Variants in MEMO1 observed in about 807,000 individuals in gnomAD.
MEMO1 encodes the protein mediator of cell motility 1, also known as protein MEMO1.
A neutral mutation model predicts 45.2 loss-of-function variants in MEMO1; 6 were observed. That is an observed-to-expected ratio of 0.13 (90% CI 0.07 to 0.26). MEMO1 has a LOEUF of 0.26. Ranked by LOEUF, MEMO1 falls within the 10% of genes least tolerant of loss-of-function variation. The pLI is 1.00. For synonymous variants in MEMO1, 78 were observed against 124.3 expected (o/e 0.63, Z 2.48); for missense variants, 184 against 370.5 (o/e 0.50, Z 4.13).
intron 7 of MEMO1, among the ~76,000 whole-genome samples, chr2:31,888,739 T>A (rs1156761638): frequency 6.6e-6 from 1 of 152,072 alleles, no homozygotes; most frequent in Non-Finnish European, 1.5e-5. Flanking sequence ...CTGGCATTTC[T>A]ATATGTACAA....
At chr2:31,976,287 T>C (rs554197827) in intron 2 of MEMO1, among the ~76,000 whole-genome samples, 1 of 152,242 alleles carries the variant, frequency 6.6e-6, no homozygotes, top group South Asian at 2.1e-4. Context: ...CTATAAAGAA[T>C]ATATTTTCAG....
rs189378124 is a variant in MEMO1 at position 31,940,190 on chromosome 2, T to C, written c.143+3112A>G. Among the ~76,000 whole-genome samples, 166 of 152,342 alleles carry C rather than the reference T, an allele frequency of 1.1e-3. 1 individual carries two copies. The highest frequency in any genetic ancestry group is 3.9e-3 in the African/African-American group (164 of 41,582). ...TAAAAAGGTGGCTTATCCAAGGGGC[T>C]AGTCCTTGAAACTCTTCTCCTGTTT... is the stretch of plus-strand genomic sequence containing the variant. On this transcript the variant is annotated intron_variant, in intron 3 of 9. Coordinates refer to ENST00000404530, the MANE Select transcript of MEMO1 (RefSeq NM_001301833.4).
chr2:31,905,903 T>TTTA (rs941500482), intron 6 of MEMO1, among the ~76,000 whole-genome samples: 3 of 152,162 alleles, frequency 2.0e-5, no homozygotes, highest in Non-Finnish European at 1.5e-5. Context: ...TATTTCTATT[T>TTTA]ATTTCTTCCA....
intron 2 of MEMO1, among the ~76,000 whole-genome samples, chr2:31,949,680 G>A (rs935210375): frequency 6.7e-6 from 1 of 149,024 alleles, no homozygotes; most frequent in African/African-American, 2.5e-5. Context: ...GAAGGAACAG[G>A]ACCTACTGTT....
At chr2:31,971,442 C>A (rs1366903893) in intron 2 of MEMO1, among the ~76,000 whole-genome samples, 1 of 151,948 alleles carries the variant, frequency 6.6e-6, no homozygotes, top group Admixed American at 6.6e-5. Flanking sequence ...GTAGCCCAGG[C>A]TGGTCTTGCA....
At chr2:31,879,524 T>C (rs1339466654) in intron 8 of MEMO1, among the ~76,000 whole-genome samples, 1 of 152,196 alleles carries the variant, frequency 6.6e-6, no homozygotes, top group Admixed American at 6.5e-5. Flanking sequence ...CCTACCTTCA[T>C]GTTCTAAACC....
chr2:31,896,097 C>T, intron 6 of MEMO1, among the ~76,000 whole-genome samples: 1 of 152,094 alleles, frequency 6.6e-6, no homozygotes. Context: ...CCCGCCTCAG[C>T]CTCCCAAAGT....
chr2:31,907,455 TG>T (rs1265512439), intron 6 of MEMO1, among the ~76,000 whole-genome samples: 22 of 152,144 alleles, frequency 1.4e-4, no homozygotes, highest in Admixed American at 1.4e-3. Flanking sequence ...AATCTTAAAA[TG>T]TTGACAGTAA....
At chr2:31,930,939 G>A (rs1558512103) in intron 4 of MEMO1, among the ~76,000 whole-genome samples, 1 of 151,290 alleles carries the variant, frequency 6.6e-6, no homozygotes, top group Non-Finnish European at 1.5e-5. Flanking sequence ...GATTACAGGT[G>A]TTAGCCACCA....
chr2:31,972,020 G>A (rs1669472193), intron 2 of MEMO1, among the ~76,000 whole-genome samples: 1 of 152,114 alleles, frequency 6.6e-6, no homozygotes, highest in Non-Finnish European at 1.5e-5. Flanking sequence ...CAAGCATGTG[G>A]AAGATTCAAT....
At chr2:31,898,499 G>A (rs1678234737) in intron 6 of MEMO1, among the ~76,000 whole-genome samples, 1 of 152,160 alleles carries the variant, frequency 6.6e-6, no homozygotes, top group Non-Finnish European at 1.5e-5. Context: ...GGAGTGGGTT[G>A]TTCAGTTTCC....
chr2:31,918,093 G>T, intron 5 of MEMO1, 56 bp from the exon 6 acceptor site: 1 of 1,213,968 alleles, frequency 8.2e-7, no homozygotes, highest in Non-Finnish European at 1.1e-6. Flanking sequence ...TCCTTATCCT[G>T]TGAGATTCCA....
intron 6 of MEMO1, among the ~76,000 whole-genome samples, chr2:31,915,177 C>T (rs1681245213): frequency 6.6e-6 from 1 of 151,946 alleles, no homozygotes; most frequent in Non-Finnish European, 1.5e-5. Context: ...ACTCAAGGAG[C>T]CTCATTCACA....
intron 2 of MEMO1, among the ~76,000 whole-genome samples, chr2:31,969,773 C>T (rs946065619): frequency 6.8e-6 from 1 of 147,122 alleles, no homozygotes; most frequent in African/African-American, 2.6e-5. Context: ...CTACACCCAA[C>T]TAACTTTTTT....
intron 4 of MEMO1, among the ~76,000 whole-genome samples, chr2:31,922,152 G>T (rs945886353): frequency 3.9e-5 from 6 of 152,024 alleles, no homozygotes; most frequent in Admixed American, 6.6e-5. Flanking sequence ...CTCAATTAAT[G>T]AACAAAAGCT....
intron 6 of MEMO1, among the ~76,000 whole-genome samples, chr2:31,915,563 GA>G (rs1051832069): frequency 7.6e-5 from 11 of 144,330 alleles, no homozygotes; most frequent in South Asian, 4.4e-4. Context: ...ACAGAAGGGG[GA>G]AAAAAAAAGA....
chr2:31,904,685 G>C (rs1679410079), intron 6 of MEMO1, among the ~76,000 whole-genome samples: 1 of 152,192 alleles, frequency 6.6e-6, no homozygotes, highest in Non-Finnish European at 1.5e-5. Context: ...GCACAGTCCA[G>C]TTCCTAACAG....
chr2:31,946,728 T>C (rs569990621), intron 2 of MEMO1, among the ~76,000 whole-genome samples: 30 of 152,166 alleles, frequency 2.0e-4, no homozygotes, highest in African/African-American at 7.2e-4. Flanking sequence ...CCAGGCATGG[T>C]GGGCCACGCC....
intron 8 of MEMO1, among the ~76,000 whole-genome samples, chr2:31,877,455 C>T (rs1291268818): frequency 1.3e-5 from 2 of 152,174 alleles, no homozygotes; most frequent in African/African-American, 2.4e-5. Flanking sequence ...CATAAGACTA[C>T]AGAATATCTA....
Sources: gnomAD v4.1 joint callset for allele counts (sites outside exome capture counted in the v4.1 genomes callset) on GRCh38, gnomAD v4.1.1 for gene constraint, MANE v1.5 for transcripts, NCBI Gene and HGNC (gene_info 2026-07-23, HGNC 2026-07-21) for gene names.